Variants in DDX60L observed in about 807,000 individuals in gnomAD.
DDX60L encodes probable ATP-dependent RNA helicase DDX60-like.
A neutral mutation model predicts 211.6 loss-of-function variants in DDX60L; 191 were observed. That is an observed-to-expected ratio of 0.90 (90% confidence interval 0.80 to 1.02). The LOEUF is 1.02. Ranked by LOEUF, DDX60L falls within the 50% of genes least tolerant of loss-of-function variation. The pLI is 0.00. For missense variants in DDX60L, 2,007 were observed against 1,984.1 expected (o/e 1.01, Z -0.22); for synonymous variants, 706 against 694.1 (o/e 1.02, Z -0.27).
At chr4:168,407,545 A>C (rs1249874594) in intron 22 of DDX60L, among the ~76,000 whole-genome samples, 1 of 152,206 alleles carries the variant, frequency 6.6e-6, no homozygotes, top group East Asian at 1.9e-4. Flanking sequence ...AGGCCCTATT[A>C]AGCAAGTTAA....
intron 13 of DDX60L, among the ~76,000 whole-genome samples, chr4:168,429,320 A>G (rs916490865): frequency 6.6e-6 from 1 of 151,814 alleles, no homozygotes; most frequent in African/African-American, 2.4e-5. Context: ...ATTTTTTTAT[A>G]TTTTTAGAGG....
chr4:168,461,164 C>T (rs2150098400), intron 5 of DDX60L, among the ~76,000 whole-genome samples: 1 of 152,252 alleles, frequency 6.6e-6, no homozygotes, highest in East Asian at 1.9e-4. Context: ...TGGCTTGGTC[C>T]TTTTGGTGGC....
rs1272805029 is a variant in DDX60L, at chr4:168,371,686, C to T, written c.4854G>A (p.Arg1618=). 6.2e-7 allele frequency: 1 copy of T among 1,609,472 alleles called. No homozygotes were observed. The highest frequency in any genetic ancestry group is 8.5e-7 in the Non-Finnish European group (1 of 1,177,732). The change falls in exon 36 of 38, where the codon AGG becomes AGA. Residue 1618 remains arginine (R), a synonymous_variant. Coordinates refer to ENST00000682922, the MANE Select transcript of DDX60L (RefSeq NM_001012967.3). ...LWPWKLDNRG[R]RMPLNAYVLN... ...GCACATATGCATTTAGTGGCATTCT[C>T]CTTCCTCGGTTATCTAATTTCCATG... is the stretch of plus-strand genomic sequence containing the variant.
At chr4:168,402,256 C>G (rs750290338) in intron 25 of DDX60L, among the ~76,000 whole-genome samples, 2 of 151,206 alleles carry the variant, frequency 1.3e-5, no homozygotes, top group African/African-American at 2.4e-5. Context: ...TCCGTGTTCA[C>G]AGTAATAGAA....
At chr4:168,431,872 C>T (rs1457033177) in intron 12 of DDX60L, among the ~76,000 whole-genome samples, 3 of 152,088 alleles carry the variant, frequency 2.0e-5, no homozygotes, top group African/African-American at 7.2e-5. Flanking sequence ...TTTGTAGATT[C>T]AACTCCTCCT....
At chr4:168,377,291 CAAATAAAT>C (rs200027731) in intron 33 of DDX60L, among the ~76,000 whole-genome samples, 9,283 of 110,472 alleles carry the variant, frequency 0.084, 396 homozygotes, top group African/African-American at 0.14. Flanking sequence ...GACTCTGTCT[CAAATAAAT>C]AAATAAATAA....
chr4:168,441,764 G>A (rs923935148), intron 9 of DDX60L, among the ~76,000 whole-genome samples: 3 of 152,000 alleles, frequency 2.0e-5, no homozygotes, highest in Admixed American at 6.6e-5. Flanking sequence ...CGGGAGGATC[G>A]CTTGAGCCCA....
chr4:168,358,238 T>C lies in DDX60L; in HGVS notation c.5030A>G (p.Asn1677Ser), dbSNP rs763367090. 3.1e-6 allele frequency: 5 copies of C among 1,600,888 alleles called. No individual in the cohort carries two copies. The highest frequency in any genetic ancestry group is 1.3e-5 in the African/African-American group (1 of 74,294). Reference sequence around the variant, plus strand: ...CAATTGTTTAAATGCCAGGACTACATTGTCACGCTTATTTTCACATAGTTC... The same window carrying C: ...CAATTGTTTAAATGCCAGGACTACACTGTCACGCTTATTTTCACATAGTTC... ...LSELCENKRD[N>S]VVLAFKQLSQ... The change falls in exon 38 of 38, where the codon AAT becomes AGT. Residue 1677 changes from asparagine (N) to serine (S), a missense_variant. Physicochemically the swap from Asn to Ser is conservative, Grantham distance 46. Coordinates refer to ENST00000682922, the MANE Select transcript of DDX60L (RefSeq NM_001012967.3).
intron 1 of DDX60L, among the ~76,000 whole-genome samples, chr4:168,476,466 A>T (rs1759503162): frequency 6.6e-6 from 1 of 152,232 alleles, no homozygotes; most frequent in African/African-American, 2.4e-5. Flanking sequence ...CTTAACAAAA[A>T]TATAAAAAAT....
At chr4:168,386,770 C>T (rs1276124246) in intron 29 of DDX60L, among the ~76,000 whole-genome samples, 1 of 151,798 alleles carries the variant, frequency 6.6e-6, no homozygotes, top group Non-Finnish European at 1.5e-5. Context: ...ACGTGGTAGA[C>T]AACCCATGCG....
chr4:168,406,615 C>T lies in DDX60L; in HGVS notation c.3071G>A (p.Trp1024Ter). The change falls in exon 23 of 38, where the codon TGG (tryptophan) becomes TAG (stop). Residue 1024 changes from tryptophan to a stop codon, truncating the protein, a stop_gained. Coordinates refer to ENST00000682922, the MANE Select transcript of DDX60L (RefSeq NM_001012967.3). LOFTEE classifies it high-confidence loss of function. ...YDTMAQVWET[W>*]PRAQELCPEE... ...TTCTATATTTACCTGAGCCCTGGGC[C>T]AAGTTTCCCAGACTTGAGCCATGGT... The T allele has an allele frequency of 6.3e-7, 1 of 1,596,368 alleles. No individual in the cohort carries two copies. Among genetic ancestry groups the T allele is most frequent in the Middle Eastern group, 1.7e-4 (1 of 6,032 alleles).
chr4:168,390,477 T>C, intron 29 of DDX60L: 1 of 1,382,016 alleles, frequency 7.2e-7, no homozygotes, highest in East Asian at 2.8e-5. Context: ...GATAAACTCC[T>C]TTTCTCTGTA....
At chr4:168,470,311 A>G (rs543876977) in intron 4 of DDX60L, 1 of 152,164 alleles carries the variant, frequency 6.6e-6, no homozygotes, top group African/African-American at 2.4e-5. Flanking sequence ...GAAAATAAAA[A>G]CTTACGTCCA....
chr4:168,358,236 C>T lies in DDX60L; in HGVS notation c.5032G>A (p.Val1678Ile), dbSNP rs140243454. The stretch of plus-strand genomic sequence containing the variant: ...CTCAATTGTTTAAATGCCAGGACTA[C>T]ATTGTCACGCTTATTTTCACATAGT... The part of the protein sequence containing the change: ...SELCENKRDN[V>I]VLAFKQLSQT... Residue 1678 changes from valine to isoleucine, a missense_variant, in exon 38 of 38, where the codon GTA becomes ATA. By Grantham distance (29) the Val-to-Ile change is conservative (BLOSUM62 3). Transcript: ENST00000682922. 6.2e-7 allele frequency: 1 copy of T among 1,601,282 alleles called. No homozygotes were observed. The highest frequency in any genetic ancestry group is 2.2e-5 in the East Asian group (1 of 44,462).
In DDX60L at chr4:168,391,532, A is replaced by C; in HGVS notation, c.3915+8T>G. 6.4e-7 allele frequency: 1 copy of C among 1,557,914 alleles called. No homozygotes were observed. Among genetic ancestry groups the C allele is most frequent in the Non-Finnish European group, 8.8e-7 (1 of 1,135,790 alleles). On this transcript the variant is annotated splice_region_variant and intron_variant, in intron 29 of 37. Coordinates refer to ENST00000682922, the MANE Select transcript of DDX60L (RefSeq NM_001012967.3). ...TCAGCAATGGGAGTTAAAGAGTCAG[A>C]GAGTTACCTGTCTGTAATTTAAAGC...
At chr4:168,472,550 C>T (rs1758937807) in intron 2 of DDX60L, 26 bp from the exon 3 acceptor site, 11 of 1,577,196 alleles carry the variant, frequency 7.0e-6, no homozygotes, top group Non-Finnish European at 8.6e-6. Flanking sequence ...TTTTTTGAGC[C>T]ATCAATATTT....
intron 1 of DDX60L, among the ~76,000 whole-genome samples, chr4:168,479,003 A>G (rs1409220186): frequency 6.6e-6 from 1 of 152,238 alleles, no homozygotes; most frequent in Non-Finnish European, 1.5e-5. Context: ...ACAGGTACCA[A>G]TAAATCATGA....
chr4:168,462,907 C>T (rs1457319139), intron 4 of DDX60L, among the ~76,000 whole-genome samples: 3 of 152,070 alleles, frequency 2.0e-5, no homozygotes, highest in Non-Finnish European at 4.4e-5. Context: ...CAAATCAAAA[C>T]CACAATGAGA....
chr4:168,374,367 T>C (rs187388001), intron 34 of DDX60L, among the ~76,000 whole-genome samples: 1 of 152,310 alleles, frequency 6.6e-6, no homozygotes, highest in Non-Finnish European at 1.5e-5. Flanking sequence ...CAACTATGAC[T>C]ATATTAGGAG....
Sources: gnomAD v4.1 joint callset for allele counts (sites outside exome capture counted in the v4.1 genomes callset) on GRCh38, gnomAD v4.1.1 for gene constraint, MANE v1.5 for transcripts, NCBI Gene and HGNC (gene_info 2026-07-23, HGNC 2026-07-21) for gene names.